The following UTP23 variants were observed in gnomAD, a reference collection of about 807,000 sequenced individuals.
UTP23 encodes the protein rRNA-processing protein UTP23 homolog.
Under a neutral mutation model 19.8 loss-of-function variants are expected in UTP23, and 10 were observed. That is an observed-to-expected ratio of 0.50 (90% CI 0.31 to 0.86). UTP23 has a LOEUF of 0.86. Ranked by LOEUF, UTP23 falls within the 40% of genes least tolerant of loss-of-function variation. The pLI is 0.05. For missense variants in UTP23, 282 were observed against 293.1 expected, an observed-to-expected ratio of 0.96 and a Z score of 0.28; for synonymous variants, 108 against 105.4, an observed-to-expected ratio of 1.02 and a Z score of -0.15.
At position 116,766,713 on chromosome 8, in the gene UTP23, C is replaced by T. The variant is rs1160445315; in HGVS notation, c.110C>T (p.Ala37Val). 6.2e-7 allele frequency: 1 copy of T among 1,611,624 alleles called. No homozygotes were observed. The highest frequency in any genetic ancestry group is 1.1e-5 in the South Asian group (1 of 90,826). Residue 37 changes from alanine (A) to valine (V), a missense_variant, in exon 1 of 3, where the codon GCG (alanine) becomes GTG (valine). By Grantham distance (64) the Ala-to-Val change is moderately conservative. Coordinates refer to ENST00000309822, the MANE Select transcript of UTP23 (RefSeq NM_032334.3). The stretch of plus-strand genomic sequence containing the variant: ...CTGCTGGACGGCACCTTCTGTCAGG[C>T]GGCGCTGCGGGGCCGCATCCAGCTG... ...QILLDGTFCQAALRGRIQLRE... is the reference protein window; with the variant it reads ...QILLDGTFCQVALRGRIQLRE...
chr8:116,770,799 A>G (rs1422355909), intron 2 of UTP23: 1 of 155,856 alleles, frequency 6.4e-6, no homozygotes, highest in East Asian at 1.9e-4. Context: ...AGATGTGATG[A>G]TTTGTTGTAG....
In UTP23 at chr8:116,772,279, G is replaced by A. The variant is rs878980129; in HGVS notation, c.*437G>A. On this transcript the variant is annotated 3_prime_UTR_variant, in exon 3 of 3. Coordinates refer to ENST00000309822, the MANE Select transcript of UTP23 (RefSeq NM_032334.3). ...GGTTGTTTCTCCAGGTAAAATTGTC[G>A]CCTCTCTGGTCCCATTCCCACCTTC... is the stretch of plus-strand genomic sequence containing the variant. 3.1e-5 allele frequency: 31 copies of A among 985,718 alleles called. No individual in the cohort carries two copies. In the East Asian group the frequency reaches 4.5e-4, roughly 14 times the overall value. The allele number at this position is 985,718 out of a possible 1,614,324, so 61.1% of individuals were successfully genotyped here. A position where few individuals can be genotyped will look rare whatever the true frequency, so the allele number is the denominator to read the frequency against.
rs1815672364 is a variant in UTP23, at chr8:116,772,548, T to A, written c.*706T>A. ...TATACTGCACCATTTTTCCAGTATA[T>A]GAATATTTTACTCTTTGTACATCAG... On this transcript the variant is annotated 3_prime_UTR_variant, in exon 3 of 3. Transcript: ENST00000309822. 2 of 985,116 alleles carry A rather than the reference T, an allele frequency of 2.0e-6. No homozygotes were observed. Among genetic ancestry groups the A allele is most frequent in the African/African-American group, 3.5e-5 (2 of 57,354 alleles). 61.0% of individuals were successfully genotyped at this position (985,116 alleles called of 1,614,324 possible).
Position 116,772,604 on chromosome 8 carries a change from GT to G in UTP23, c.*769del. 2.0e-6 allele frequency: 2 copies of G among 984,342 alleles called. No homozygotes were observed. Among genetic ancestry groups the G allele is most frequent in the Non-Finnish European group, 1.2e-6 (1 of 829,066 alleles). The allele number at this position is 984,342 out of a possible 1,614,324, so 61.0% of individuals were successfully genotyped here. A position where few individuals can be genotyped will look rare whatever the true frequency, so the allele number is the denominator to read the frequency against. On this transcript the variant is annotated 3_prime_UTR_variant, in exon 3 of 3. Coordinates refer to ENST00000309822, the MANE Select transcript of UTP23 (RefSeq NM_032334.3). ...CAGTATTTTCATTATTATGACTAGA[GT>G]TTTTTTGTTTGTTTGTTTGAGTTCT...
In UTP23 at chr8:116,771,513, A is replaced by T; in HGVS notation, c.421A>T (p.Ile141Phe). 6.3e-7 allele frequency: 1 copy of T among 1,592,460 alleles called. No individual in the cohort carries two copies. The highest frequency in any genetic ancestry group is 8.5e-7 in the Non-Finnish European group (1 of 1,174,146). Residue 141 changes from isoleucine (I) to phenylalanine (F), a missense_variant, in exon 3 of 3, where the codon ATT (isoleucine) becomes TTT (phenylalanine). Physicochemically the swap from Ile to Phe is conservative, Grantham distance 21. Coordinates refer to ENST00000309822, the MANE Select transcript of UTP23 (RefSeq NM_032334.3). ...KKPGVPLMFI[I>F]QNTMVLDKPS... ...GCCTGGAGTTCCTCTCATGTTTATT[A>T]TTCAGAACACTATGGTTTTGGACAA...
chr8:116,769,219 G>C (rs1815621424), intron 1 of UTP23, among the ~76,000 whole-genome samples: 1 of 152,156 alleles, frequency 6.6e-6, no homozygotes, highest in Non-Finnish European at 1.5e-5. Context: ...GGAGAAACAA[G>C]AGAGCAAAGG....
In UTP23 at chr8:116,773,210, TAAGG is replaced by T. The variant is rs1815682012; in HGVS notation, c.*1373_*1376del. On this transcript the variant is annotated 3_prime_UTR_variant, in exon 3 of 3. Transcript: ENST00000309822. Reference sequence around the variant, plus strand: ...TTCTTGATGGTAGAAACATTTTTAATAAGGAAGGTAAAAATACTGGAAAAAAGTG... The same window carrying T: ...TTCTTGATGGTAGAAACATTTTTAATAAGGTAAAAATACTGGAAAAAAGTG... The T allele has an allele frequency of 2.5e-5, 25 of 985,196 alleles. 1 individual carries two copies. The South Asian group carries it at 1.0e-3, about 41-fold the overall frequency. The allele number at this position is 985,196 out of a possible 1,614,324, so 61.0% of individuals were successfully genotyped here. A position where few individuals can be genotyped will look rare whatever the true frequency, so the allele number is the denominator to read the frequency against.
In UTP23 at chr8:116,770,330, A is replaced by C. The variant is rs764522163; in HGVS notation, c.327A>C (p.Glu109Asp). The C allele has an allele frequency of 3.1e-5, 50 of 1,613,684 alleles. 1 individual carries two copies. The South Asian group carries it at 5.3e-4, about 17-fold the overall frequency. Reference protein sequence around the residue: ...SGSECLLSMVEEGNPHHYFVA... With the variant: ...SGSECLLSMVDEGNPHHYFVA... ...CAGAATGTCTGCTTTCCATGGTTGAAGAGGGAAATCCTCATCATTATTTTG... is the reference window on the plus strand; with the variant it reads ...CAGAATGTCTGCTTTCCATGGTTGACGAGGGAAATCCTCATCATTATTTTG... The change falls in exon 2 of 3, where the codon GAA becomes GAC. Residue 109 changes from glutamate (E) to aspartate (D), a missense_variant. Coordinates refer to ENST00000309822, the MANE Select transcript of UTP23 (RefSeq NM_032334.3).
chr8:116,773,626 A>G lies in UTP23; in HGVS notation c.*1784A>G, dbSNP rs995220408. 4 of 431,316 alleles carry G rather than the reference A, an allele frequency of 9.3e-6. No individual in the cohort carries two copies. Among genetic ancestry groups the G allele is most frequent in the Non-Finnish European group, 1.2e-5 (4 of 323,772 alleles). 26.7% of individuals were successfully genotyped at this position (431,316 alleles called of 1,614,324 possible). ...AGAGATCAAGACCATCCTGGCCAAC[A>G]TGGTGAAACCCTGTCTGTACTAAAA... On this transcript the variant is annotated 3_prime_UTR_variant, in exon 3 of 3. Coordinates refer to ENST00000309822, the MANE Select transcript of UTP23 (RefSeq NM_032334.3).
rs745957360 is a variant in UTP23 at position 116,773,478 on chromosome 8, A to T, written c.*1636A>T. 7 of 984,048 alleles carry T rather than the reference A, an allele frequency of 7.1e-6. No individual in the cohort carries two copies. The African/African-American group carries it at 1.2e-4, about 17-fold the overall frequency. 61.0% of individuals were successfully genotyped at this position (984,048 alleles called of 1,614,324 possible). On this transcript the variant is annotated 3_prime_UTR_variant, in exon 3 of 3. Coordinates refer to ENST00000309822, the MANE Select transcript of UTP23 (RefSeq NM_032334.3). Reference sequence around the variant, plus strand: ...GGAAAAATCCACTTTTTTATGAAGCAGTAATTATAGAAGTACTAAAAATTA... The same window carrying T: ...GGAAAAATCCACTTTTTTATGAAGCTGTAATTATAGAAGTACTAAAAATTA...
intron 1 of UTP23, 137 bp from the exon 2 acceptor site, chr8:116,770,055 A>C (rs764647737): frequency 1.2e-6 from 1 of 801,498 alleles, no homozygotes; most frequent in Non-Finnish European, 1.8e-6. Flanking sequence ...TTTTCAAGTG[A>C]TCTTTTAAAG....
Position 116,772,122 on chromosome 8 carries a change from C to T in UTP23, c.*280C>T. 9.4e-7 allele frequency: 1 copy of T among 1,069,208 alleles called. No homozygotes were observed. Among genetic ancestry groups the T allele is most frequent in the Non-Finnish European group, 1.1e-6 (1 of 882,696 alleles). The allele number at this position is 1,069,208 out of a possible 1,614,324, so 66.2% of individuals were successfully genotyped here. The stretch of plus-strand genomic sequence containing the variant: ...GCTTGAACCTGGGAGGCAGAGATTG[C>T]AGTGAGCCCAGTTCGTGTCACTTCA... On this transcript the variant is annotated 3_prime_UTR_variant, in exon 3 of 3. Coordinates refer to ENST00000309822, the MANE Select transcript of UTP23 (RefSeq NM_032334.3).
In UTP23 at chr8:116,771,875, T is replaced by C; in HGVS notation, c.*33T>C. 6.6e-7 allele frequency: 1 copy of C among 1,504,354 alleles called. No homozygotes were observed. Among genetic ancestry groups the C allele is most frequent in the Non-Finnish European group, 8.8e-7 (1 of 1,133,510 alleles). The allele number at this position is 1,504,354 out of a possible 1,614,324, so 93.2% of individuals were successfully genotyped here. On this transcript the variant is annotated 3_prime_UTR_variant, in exon 3 of 3. Coordinates refer to ENST00000309822, the MANE Select transcript of UTP23 (RefSeq NM_032334.3). ...GGATACTTTCAAGGACATTCAAATGTGAAAATGAATTTTTTACAACTAGAA... is the reference window on the plus strand; with the variant it reads ...GGATACTTTCAAGGACATTCAAATGCGAAAATGAATTTTTTACAACTAGAA...
intron 1 of UTP23, among the ~76,000 whole-genome samples, chr8:116,768,008 G>A (rs1351908639): frequency 6.6e-6 from 1 of 152,102 alleles, no homozygotes; most frequent in African/African-American, 2.4e-5. Flanking sequence ...GGTTGCCTGA[G>A]TCTAGGAGTT....
chr8:116,766,961 A>G, intron 1 of UTP23, 170 bp downstream of exon 1: 1 of 633,220 alleles, frequency 1.6e-6, no homozygotes, highest in East Asian at 3.0e-5. Flanking sequence ...TACCTATAAT[A>G]GAGGCAGATT....
In UTP23 at chr8:116,772,045, G is replaced by A. The variant is rs1003549564; in HGVS notation, c.*203G>A. 4 of 1,228,052 alleles carry A rather than the reference G, an allele frequency of 3.3e-6. No individual in the cohort carries two copies. In the African/African-American group the frequency reaches 6.3e-5, roughly 19 times the overall value. 76.1% of individuals were successfully genotyped at this position (1,228,052 alleles called of 1,614,324 possible). ...TAAAATACAAAAATTAGCTGGGCAT[G>A]ATGGTGCACAGTTGTAATTCCAGCT... On this transcript the variant is annotated 3_prime_UTR_variant, in exon 3 of 3. Coordinates refer to ENST00000309822, the MANE Select transcript of UTP23 (RefSeq NM_032334.3).
At chr8:116,768,982 C>T (rs535173328) in intron 1 of UTP23, among the ~76,000 whole-genome samples, 10 of 152,076 alleles carry the variant, frequency 6.6e-5, no homozygotes, top group Non-Finnish European at 1.5e-4. Flanking sequence ...AAAATTTTGG[C>T]AGTTTCCCCT....
At chr8:116,766,969 A>T (rs759255005) in intron 1 of UTP23, 178 bp downstream of exon 1, 2 of 597,630 alleles carry the variant, frequency 3.3e-6, no homozygotes, top group Non-Finnish European at 5.7e-6. Flanking sequence ...ATAGAGGCAG[A>T]TTGGACAGTG....
chr8:116,771,582 G>C lies in UTP23; in HGVS notation c.490G>C (p.Gly164Arg). 6.2e-7 allele frequency: 1 copy of C among 1,613,132 alleles called. No individual in the cohort carries two copies. Among genetic ancestry groups the C allele is most frequent in the Non-Finnish European group, 8.5e-7 (1 of 1,179,798 alleles). ...TIAFVKAVES[G>R]QLVSVHEKES... ...TGCCTTTGTAAAAGCAGTGGAGTCA[G>C]GTCAGCTTGTCTCAGTGCATGAGAA... Residue 164 changes from glycine (G) to arginine (R), a missense_variant, in exon 3 of 3, where the codon GGT becomes CGT. Coordinates refer to ENST00000309822, the MANE Select transcript of UTP23 (RefSeq NM_032334.3).
Sources: gnomAD v4.1 joint callset for allele counts (sites outside exome capture counted in the v4.1 genomes callset) on GRCh38, gnomAD v4.1.1 for gene constraint, MANE v1.5 for transcripts, NCBI Gene and HGNC (gene_info 2026-07-23, HGNC 2026-07-21) for gene names.